GPR158: variants seen among roughly 807,000 people sequenced by gnomAD.
GPR158 encodes metabotropic glycine receptor.
GPR158 carries 30 observed loss-of-function variants against 78.2 expected under a neutral mutation model. The observed-to-expected ratio is 0.38, with a 90% CI of 0.29 to 0.52. GPR158 has a LOEUF of 0.52. GPR158 is among the 20% of genes least tolerant of loss of function. The pLI, the probability that GPR158 is intolerant of heterozygous loss-of-function variation, is 0.83. For missense variants in GPR158, 1,463 were observed against 1,523.5 expected (o/e 0.96, Z 0.66); for synonymous variants, 581 against 591.1 (o/e 0.98, Z 0.25).
At chr10:25,543,514 A>G (rs1836617930) in intron 5 of GPR158, among the ~76,000 whole-genome samples, 1 of 152,136 alleles carries the variant, frequency 6.6e-6, no homozygotes, top group African/African-American at 2.4e-5. Flanking sequence ...TACAAGTGCA[A>G]TTTTGTTACA....
chr10:25,192,748 A>T (rs984483834), intron 1 of GPR158, among the ~76,000 whole-genome samples: 1 of 152,082 alleles, frequency 6.6e-6, no homozygotes, highest in African/African-American at 2.4e-5. Flanking sequence ...CATGTACCCT[A>T]AAACTTGAAG....
At chr10:25,204,810 C>T (rs754113091) in intron 1 of GPR158, among the ~76,000 whole-genome samples, 1 of 141,336 alleles carries the variant, frequency 7.1e-6, no homozygotes, top group African/African-American at 2.8e-5. Context: ...TCAAAGTAGT[C>T]TCTGAGGGTT....
intron 4 of GPR158, among the ~76,000 whole-genome samples, chr10:25,449,660 G>A (rs970383550): frequency 2.0e-5 from 3 of 152,164 alleles, no homozygotes; most frequent in East Asian, 3.9e-4. Context: ...CAGGAAAGCT[G>A]TTGTACCAAA....
chr10:25,308,797 G>A (rs557895747), intron 2 of GPR158, among the ~76,000 whole-genome samples: 21 of 152,186 alleles, frequency 1.4e-4, no homozygotes, highest in African/African-American at 5.1e-4. Context: ...TCACGTAAGT[G>A]AATCATATAG....
intron 5 of GPR158, among the ~76,000 whole-genome samples, chr10:25,512,945 A>G (rs552334576): frequency 7.9e-5 from 12 of 152,206 alleles, no homozygotes; most frequent in African/African-American, 2.9e-4. Context: ...GTATTTTATT[A>G]AGAATTTTTG....
At chr10:25,368,908 A>T (rs1384798103) in intron 2 of GPR158, among the ~76,000 whole-genome samples, 2 of 148,468 alleles carry the variant, frequency 1.3e-5, no homozygotes, top group African/African-American at 2.5e-5. Context: ...TTGGATTCCT[A>T]GGTATTTTAT....
chr10:25,556,546 G>A (rs1836789250), intron 6 of GPR158, among the ~76,000 whole-genome samples: 1 of 152,112 alleles, frequency 6.6e-6, no homozygotes, highest in Non-Finnish European at 1.5e-5. Flanking sequence ...CTACTCTGGG[G>A]TGCAGAGTAT....
intron 6 of GPR158, among the ~76,000 whole-genome samples, chr10:25,555,352 T>C (rs1340134433): frequency 6.6e-6 from 1 of 152,148 alleles, no homozygotes; most frequent in African/African-American, 2.4e-5. Context: ...AGCTTTTAGC[T>C]AGGTCAGTGT....
At chr10:25,247,122 A>G (rs914777465) in intron 2 of GPR158, among the ~76,000 whole-genome samples, 1 of 152,118 alleles carries the variant, frequency 6.6e-6, no homozygotes, top group Non-Finnish European at 1.5e-5. Flanking sequence ...AGCTGGAGCC[A>G]TGCTTCTTTT....
intron 5 of GPR158, 131 bp from the exon 6 acceptor site, chr10:25,550,845 T>C (rs1192650054): frequency 8.0e-6 from 5 of 626,330 alleles, no homozygotes; most frequent in Non-Finnish European, 1.5e-5. Flanking sequence ...GTCAAAATAG[T>C]ATTTTAAAGA....
chr10:25,188,314 C>A (rs1444438565), intron 1 of GPR158, among the ~76,000 whole-genome samples: 2 of 152,168 alleles, frequency 1.3e-5, no homozygotes, highest in East Asian at 3.8e-4. Flanking sequence ...AAAAAAGAGC[C>A]CACATTGCCA....
At chr10:25,349,024 C>T (rs189937187) in intron 2 of GPR158, among the ~76,000 whole-genome samples, 2 of 151,972 alleles carry the variant, frequency 1.3e-5, no homozygotes, top group African/African-American at 4.8e-5. Flanking sequence ...ACAAATTACC[C>T]AAACTTAGTG....
intron 7 of GPR158, among the ~76,000 whole-genome samples, chr10:25,582,687 T>C (rs1837219155): frequency 6.6e-6 from 1 of 152,316 alleles, no homozygotes; most frequent in East Asian, 1.9e-4. Flanking sequence ...GCTTGACATC[T>C]CAGCATTCAA....
chr10:25,529,037 G>A (rs375298086), intron 5 of GPR158, among the ~76,000 whole-genome samples: 74 of 152,244 alleles, frequency 4.9e-4, no homozygotes, highest in Admixed American at 7.2e-4. Context: ...TCAACGAACG[G>A]TGCTGAAACA....
intron 4 of GPR158, among the ~76,000 whole-genome samples, chr10:25,421,350 C>A (rs891825937): frequency 2.0e-5 from 3 of 152,046 alleles, no homozygotes; most frequent in Non-Finnish European, 4.4e-5. Flanking sequence ...CTCCTTCGTG[C>A]TTTCTATTTC....
chr10:25,322,177 C>G (rs1276344339), intron 2 of GPR158, among the ~76,000 whole-genome samples: 2 of 151,946 alleles, frequency 1.3e-5, no homozygotes, highest in Non-Finnish European at 2.9e-5. Context: ...GTCAGGAGAT[C>G]GAGACCATCC....
At chr10:25,505,799 G>T (rs554819811) in intron 5 of GPR158, among the ~76,000 whole-genome samples, 2 of 151,828 alleles carry the variant, frequency 1.3e-5, no homozygotes, top group Non-Finnish European at 2.9e-5. Flanking sequence ...ACACTCCTTC[G>T]TTTTTTTTCA....
intron 2 of GPR158, among the ~76,000 whole-genome samples, chr10:25,297,096 A>G (rs1359994396): frequency 6.6e-6 from 1 of 152,172 alleles, no homozygotes; most frequent in East Asian, 1.9e-4. Context: ...CCTTGGCTGT[A>G]TTTTAATTAG....
intron 2 of GPR158, among the ~76,000 whole-genome samples, chr10:25,222,429 C>A (rs938059641): frequency 6.6e-6 from 1 of 151,706 alleles, no homozygotes; most frequent in East Asian, 1.9e-4. Flanking sequence ...CACAGCCCCC[C>A]CATTCCCTCA....
Sources: allele counts gnomAD v4.1 joint callset (sites outside exome capture counted in the v4.1 genomes callset), GRCh38; gene constraint gnomAD v4.1.1; transcripts MANE v1.5; gene names NCBI Gene and HGNC (gene_info 2026-07-23, HGNC 2026-07-21).